LARP4B: variants seen among roughly 807,000 people sequenced by gnomAD.
LARP4B encodes the protein la-related protein 4B.
A neutral mutation model predicts 89.8 loss-of-function variants in LARP4B; 12 were observed. The ratio of observed to expected loss-of-function variants is 0.13; its 90% CI spans 0.09 to 0.22. The LOEUF (loss-of-function observed/expected upper bound fraction) is 0.22. LARP4B is among the 10% of genes least tolerant of loss of function. The pLI is 1.00. For missense variants in LARP4B, 757 were observed against 947.7 expected (o/e 0.80, Z 2.64); for synonymous variants, 367 against 363.3 (o/e 1.01, Z -0.12).
At chr10:909,007 A>G (rs1836578583) in intron 1 of LARP4B, among the ~76,000 whole-genome samples, 1 of 152,028 alleles carries the variant, frequency 6.6e-6, no homozygotes, top group Non-Finnish European at 1.5e-5. Flanking sequence ...TGAAATTCCA[A>G]GTTGCGGCCA....
At chr10:817,958 C>A (rs1217361660) in intron 14 of LARP4B, 69 bp from the exon 15 acceptor site, 2 of 1,452,282 alleles carry the variant, frequency 1.4e-6, no homozygotes, top group Non-Finnish European at 1.9e-6. Context: ...CGTTTCCACA[C>A]CTGTCTGGAA....
At chr10:958,083 C>T in the LARP4B span, among the ~76,000 whole-genome samples, 1 of 152,310 alleles carries the variant, frequency 6.6e-6, no homozygotes, top group East Asian at 1.9e-4. Context: ...AGGCGTGAGC[C>T]ACGATGCCTG....
the LARP4B span, among the ~76,000 whole-genome samples, chr10:969,828 A>G: frequency 6.6e-6 from 1 of 152,240 alleles, no homozygotes; most frequent in Non-Finnish European, 1.5e-5. Context: ...CATTTTATGG[A>G]GATGTCCAAA....
intron 11 of LARP4B, among the ~76,000 whole-genome samples, chr10:826,640 C>T (rs1269562407): frequency 6.6e-6 from 1 of 152,174 alleles, no homozygotes; most frequent in Non-Finnish European, 1.5e-5. Flanking sequence ...CATTCTAATT[C>T]TCTGGCTTCT....
At chr10:978,344 AG>A in the LARP4B span, among the ~76,000 whole-genome samples, 8 of 152,188 alleles carry the variant, frequency 5.3e-5, no homozygotes. Flanking sequence ...CTATATTTCA[AG>A]GTTACGTTAT....
At chr10:898,430 T>A (rs554936823) in intron 1 of LARP4B, among the ~76,000 whole-genome samples, 7 of 152,200 alleles carry the variant, frequency 4.6e-5, no homozygotes, top group Non-Finnish European at 1.0e-4. Flanking sequence ...CCTGAAAACC[T>A]GTATGTGAAT....
chr10:833,249 TAAAAAAAA>T (rs56788542), intron 8 of LARP4B, among the ~76,000 whole-genome samples: 1,477 of 52,190 alleles, frequency 0.028, 58 homozygotes, highest in African/African-American at 0.087. Flanking sequence ...TGATGAGCTT[TAAAAAAAA>T]AAAAAAAAAA....
chr10:820,779 G>T (rs202229972), intron 14 of LARP4B, 21 bp downstream of exon 14: 1 of 1,596,766 alleles, frequency 6.3e-7, no homozygotes, highest in Non-Finnish European at 8.6e-7. Context: ...TTGTGAAGAG[G>T]TATATGCTTT....
At chr10:876,768 C>T (rs555367790) in intron 3 of LARP4B, among the ~76,000 whole-genome samples, 20 of 152,270 alleles carry the variant, frequency 1.3e-4, no homozygotes, top group Admixed American at 1.1e-3. Flanking sequence ...GGTTCAACTC[C>T]AAATTTCTGC....
intron 1 of LARP4B, among the ~76,000 whole-genome samples, chr10:923,079 A>G (rs945913392): frequency 1.3e-5 from 2 of 152,178 alleles, no homozygotes; most frequent in Non-Finnish European, 2.9e-5. Context: ...ACCTCAAAAA[A>G]AAAAACAAAT....
At chr10:902,034 G>T (rs564653096) in intron 1 of LARP4B, among the ~76,000 whole-genome samples, 4 of 151,908 alleles carry the variant, frequency 2.6e-5, no homozygotes, top group Non-Finnish European at 5.9e-5. Context: ...AAAGGACAAC[G>T]GTCCCCTCCA....
At chr10:893,080 CTTTT>C (rs578053984) in intron 1 of LARP4B, among the ~76,000 whole-genome samples, 1 of 137,530 alleles carries the variant, frequency 7.3e-6, no homozygotes. Context: ...CCTTTTTTTT[CTTTT>C]TTTTTTCCCA....
the LARP4B span, among the ~76,000 whole-genome samples, chr10:962,437 A>C: frequency 1.3e-5 from 2 of 152,086 alleles, no homozygotes; most frequent in Non-Finnish European, 2.9e-5. Flanking sequence ...TCAACATGTA[A>C]ATTTGGGGAC....
the LARP4B span, among the ~76,000 whole-genome samples, chr10:946,608 T>C: frequency 6.6e-6 from 1 of 152,310 alleles, no homozygotes; most frequent in East Asian, 1.9e-4. Context: ...TGACCGGGGT[T>C]GGGGGACCCC....
intron 1 of LARP4B, among the ~76,000 whole-genome samples, chr10:922,675 TTAAA>T (rs370807617): frequency 0.081 from 11,877 of 146,170 alleles, 515 homozygotes; most frequent in African/African-American, 0.1. Flanking sequence ...ACCCCGTCTG[TTAAA>T]TAAATAAATA....
the LARP4B span, among the ~76,000 whole-genome samples, chr10:981,560 T>C: frequency 6.6e-6 from 1 of 152,160 alleles, no homozygotes; most frequent in Admixed American, 6.5e-5. Flanking sequence ...AGGTACTTTG[T>C]ACTTTTTTTT....
At chr10:973,506 C>G in the LARP4B span, among the ~76,000 whole-genome samples, 4 of 152,174 alleles carry the variant, frequency 2.6e-5, no homozygotes, top group East Asian at 7.7e-4. Flanking sequence ...CACCCTCCAC[C>G]ACACCCGGCT....
At chr10:973,589 G>A in the LARP4B span, among the ~76,000 whole-genome samples, 1 of 152,008 alleles carries the variant, frequency 6.6e-6, no homozygotes, top group African/African-American at 2.4e-5. Flanking sequence ...CTGACCTCGT[G>A]GTCTCCCTGC....
chr10:934,983 C>T (rs1177815589), upstream of LARP4B, among the ~76,000 whole-genome samples: 1 of 152,182 alleles, frequency 6.6e-6, no homozygotes, highest in African/African-American at 2.4e-5. Context: ...ACCGGCTCCC[C>T]GTTGCCTGCC....
Sources: allele counts gnomAD v4.1 joint callset (sites outside exome capture counted in the v4.1 genomes callset), GRCh38; gene constraint gnomAD v4.1.1; transcripts MANE v1.5; gene names NCBI Gene and HGNC (gene_info 2026-07-23, HGNC 2026-07-21).